The following DSTYK variants were observed in gnomAD, a reference collection of about 807,000 sequenced individuals.
DSTYK encodes RIP-homologous kinase.
DSTYK carries 34 observed loss-of-function variants against 98.7 expected under a neutral mutation model. The observed-to-expected ratio is 0.34, with a 90% CI of 0.26 to 0.46. DSTYK has a LOEUF of 0.46. DSTYK is among the 20% of genes least tolerant of loss of function. DSTYK has a pLI of 1.00. For synonymous variants in DSTYK, 462 were observed against 457.3 expected, an observed-to-expected ratio of 1.01 and a Z score of -0.13; for missense variants, 962 against 1,181.7, an observed-to-expected ratio of 0.81 and a Z score of 2.73.
Position 205,157,353 on chromosome 1 carries a change from C to A in DSTYK, c.2272G>T (p.Ala758Ser), listed in dbSNP as rs1657592376. Residue 758 changes from alanine (A) to serine (S), a missense_variant, in exon 10 of 13, where the codon GCA becomes TCA. By Grantham distance (99) the Ala-to-Ser change is moderately conservative. This residue lies in a region of DSTYK where 660 missense variants were observed against 855.0 expected (regional missense o/e 0.77). Transcript: ENST00000367162. ...CGGATTCCCTCCACCACATCTAGTG[C>A]TATCTGCAAACGTGTCTCCAGGGTC... ...GLTLETRLQI[A>S]LDVVEGIRFL... 6.2e-7 allele frequency: 1 copy of A among 1,614,036 alleles called. No individual in the cohort carries two copies. Among genetic ancestry groups the A allele is most frequent in the African/African-American group, 1.3e-5 (1 of 74,916 alleles).
intron 2 of DSTYK, among the ~76,000 whole-genome samples, chr1:205,171,181 G>A (rs1317360343): frequency 6.6e-6 from 1 of 152,134 alleles, no homozygotes; most frequent in Non-Finnish European, 1.5e-5. Context: ...GCTCGGCGCA[G>A]TGGCTCACAC....
rs915027318 is a variant in DSTYK at position 205,181,161 on chromosome 1, G to A, written c.654+6257C>T. 1.1e-4 allele frequency among the ~76,000 whole-genome samples: 17 copies of A among 151,998 alleles called. 1 individual carries two copies. Among genetic ancestry groups the A allele is most frequent in the Admixed American group, 2.6e-4 (4 of 15,248 alleles). On this transcript the variant is annotated intron_variant, in intron 2 of 12. Coordinates refer to ENST00000367162, the MANE Select transcript of DSTYK (RefSeq NM_015375.3). ...TGTCCTGTACATATAAATGATCCTT[G>A]TTTCTTTTCCCTTGGAGTTGACCAT...
chr1:205,176,269 G>T (rs1475220453), intron 2 of DSTYK, among the ~76,000 whole-genome samples: 2 of 151,964 alleles, frequency 1.3e-5, no homozygotes, highest in Non-Finnish European at 2.9e-5. Context: ...CCTGAGGTTG[G>T]GAGTTCAAGA....
intron 2 of DSTYK, among the ~76,000 whole-genome samples, chr1:205,182,869 G>A (rs1322814275): frequency 6.6e-6 from 1 of 151,758 alleles, no homozygotes; most frequent in Non-Finnish European, 1.5e-5. Flanking sequence ...CCAAAAACCA[G>A]GTCAGTATGT....
rs1051022010 is a variant in DSTYK at position 205,211,392 on chromosome 1, G to C, written c.144C>G (p.Thr48=). Residue 48 remains threonine, a synonymous_variant, in exon 1 of 13, where the codon ACC becomes ACG. Coordinates refer to ENST00000367162, the MANE Select transcript of DSTYK (RefSeq NM_015375.3). ...LGRLRQNLRE[T]QKFFRDIKCS... is the part of the protein sequence containing the mutation. Reference sequence around the variant, plus strand: ...ACTTGATGTCGCGGAAGAACTTCTGGGTCTCGCGCAGGTTCTGTCGCAGCC... The same window carrying C: ...ACTTGATGTCGCGGAAGAACTTCTGCGTCTCGCGCAGGTTCTGTCGCAGCC... The C allele has an allele frequency of 8.7e-6, 14 of 1,612,022 alleles. No individual in the cohort carries two copies. The highest frequency in any genetic ancestry group is 1.1e-5 in the Non-Finnish European group (13 of 1,179,484).
At chr1:205,166,592 G>A (rs539391531) in intron 3 of DSTYK, among the ~76,000 whole-genome samples, 1 of 152,188 alleles carries the variant, frequency 6.6e-6, no homozygotes, top group African/African-American at 2.4e-5. Flanking sequence ...ATACTTTACT[G>A]TCTGCCCAAC....
At chr1:205,149,362 A>G (rs1471831851) in intron 11 of DSTYK, among the ~76,000 whole-genome samples, 1 of 152,148 alleles carries the variant, frequency 6.6e-6, no homozygotes, top group East Asian at 1.9e-4. Flanking sequence ...AATGAAAGAA[A>G]TTTAAATATA....
chr1:205,196,517 G>A (rs1330653315), intron 1 of DSTYK, among the ~76,000 whole-genome samples: 1 of 152,096 alleles, frequency 6.6e-6, no homozygotes, highest in Non-Finnish European at 1.5e-5. Context: ...TCACACTACT[G>A]CGCTCCATCC....
chr1:205,169,152 C>G lies in DSTYK; in HGVS notation c.1324+11G>C. 6.3e-7 allele frequency: 1 copy of G among 1,578,206 alleles called. No individual in the cohort carries two copies. Among genetic ancestry groups the G allele is most frequent in the Non-Finnish European group, 8.6e-7 (1 of 1,162,204 alleles). ...CCGTGCCAGCACCCCAACAAGCTCT[C>G]TGGGACCTACCTTTAAACTCCATGT... On this transcript the variant is annotated intron_variant, in intron 3 of 12. Coordinates refer to ENST00000367162, the MANE Select transcript of DSTYK (RefSeq NM_015375.3). This position sits in a 1 kb window ranked among gnomAD's most constrained non-coding sequence, Gnocchi z 4.0.
chr1:205,164,861 A>T (rs1657841915), intron 3 of DSTYK, among the ~76,000 whole-genome samples: 1 of 152,204 alleles, frequency 6.6e-6, no homozygotes, highest in Admixed American at 6.5e-5. Flanking sequence ...TACACATGTA[A>T]TCTAATTTCA....
Position 205,145,581 on chromosome 1 carries a change from T to C in DSTYK, c.*1977A>G, listed in dbSNP as rs902553359. The C allele has an allele frequency of 1.4e-5, 2 of 144,022 alleles. No individual in the cohort carries two copies. The highest frequency in any genetic ancestry group is 2.5e-5 in the African/African-American group (1 of 39,856). 8.9% of individuals were successfully genotyped at this position (144,022 alleles called of 1,614,324 possible). On this transcript the variant is annotated 3_prime_UTR_variant, in exon 13 of 13. Transcript: ENST00000367162. ...TCTCGCTCTGTTGCCCAGGCTGGAGTGCAGTGGCGTGATCTCGGCTCACCA... is the reference window on the plus strand; with the variant it reads ...TCTCGCTCTGTTGCCCAGGCTGGAGCGCAGTGGCGTGATCTCGGCTCACCA...
At chr1:205,157,722 A>G (rs1233219858) in intron 9 of DSTYK, among the ~76,000 whole-genome samples, 2 of 150,664 alleles carry the variant, frequency 1.3e-5, no homozygotes, top group African/African-American at 4.9e-5. Flanking sequence ...AGATGGTGCC[A>G]CTGCACTTCA....
intron 12 of DSTYK, among the ~76,000 whole-genome samples, 191 bp from the exon 13 acceptor site, chr1:205,147,936 AAAAAG>A (rs1393646715): frequency 1.3e-5 from 2 of 152,172 alleles, no homozygotes; most frequent in African/African-American, 4.8e-5. Context: ...AGAAAGAAAG[AAAAAG>A]AAAAGAAAAA....
chr1:205,167,819 TAAG>T (rs1290471739), intron 3 of DSTYK, among the ~76,000 whole-genome samples: 3 of 152,146 alleles, frequency 2.0e-5, no homozygotes, highest in Non-Finnish European at 2.9e-5. Context: ...ATCGAATACG[TAAG>T]AAGATTAATC....
Position 205,172,484 on chromosome 1 carries a change from G to GA in DSTYK, c.655-2653_655-2652insT, listed in dbSNP as rs1246261791. On this transcript the variant is annotated intron_variant, in intron 2 of 12. Transcript: ENST00000367162. ...CCAGCTAATTTTCATTCTTTTTTGG[G>GA]TTTTTTTTTTTTGGTAGAGATGGGG... Among the ~76,000 whole-genome samples the GA allele has an allele frequency of 2.9e-5, 4 of 137,024 alleles. No individual in the cohort carries two copies. The East Asian group carries it at 6.3e-4, about 22-fold the overall frequency. The allele number at this position is 137,024 out of a possible 152,430, so 89.9% of individuals were successfully genotyped here. A position where few individuals can be genotyped will look rare whatever the true frequency, so the allele number is the denominator to read the frequency against.
rs1485492151 is a variant in DSTYK, at chr1:205,144,603, T to TGC, written c.*2953_*2954dup. 1 of 152,656 alleles carries TGC rather than the reference T, an allele frequency of 6.6e-6. No homozygotes were observed. The highest frequency in any genetic ancestry group is 1.5e-5 in the Non-Finnish European group (1 of 68,032). The allele number at this position is 152,656 out of a possible 1,614,324, so 9.5% of individuals were successfully genotyped here. ...TACACACTCTATACACACGTATACC[T>TGC]GCACTCAGCCTGCTGAGTATTTAAA... On this transcript the variant is annotated 3_prime_UTR_variant, in exon 13 of 13. Coordinates refer to ENST00000367162, the MANE Select transcript of DSTYK (RefSeq NM_015375.3).
chr1:205,152,660 A>AC (rs1553360012), intron 10 of DSTYK, among the ~76,000 whole-genome samples: 17 of 138,130 alleles, frequency 1.2e-4, no homozygotes, highest in Non-Finnish European at 2.5e-4. Context: ...TTTGAATTTC[A>AC]TTTTTTTTTT....
intron 1 of DSTYK, among the ~76,000 whole-genome samples, chr1:205,193,833 T>C (rs1658782244): frequency 1.4e-5 from 2 of 147,386 alleles, no homozygotes; most frequent in African/African-American, 5.1e-5. Flanking sequence ...ATAGTGCCAC[T>C]GCACTCCAGC....
Position 205,146,420 on chromosome 1 carries a change from A to G in DSTYK, c.*1138T>C, listed in dbSNP as rs1657234342. The G allele has an allele frequency of 6.6e-6, 1 of 152,184 alleles. No individual in the cohort carries two copies. The allele number at this position is 152,184 out of a possible 1,614,324, so 9.4% of individuals were successfully genotyped here. ...CACTTTGAGATGAAAAGAGGTAAAC[A>G]AAAGAAAAGACTCAAAGGTAAAAGA... On this transcript the variant is annotated 3_prime_UTR_variant, in exon 13 of 13. Transcript: ENST00000367162.
Sources: gnomAD v4.1 joint callset for allele counts (sites outside exome capture counted in the v4.1 genomes callset) on GRCh38, gnomAD v4.1.1 for gene constraint, gnomAD v4.1.1 regional missense constraint, Gnocchi (gnomAD v3.1) non-coding constraint, MANE v1.5 for transcripts, NCBI Gene and HGNC (gene_info 2026-07-23, HGNC 2026-07-21) for gene names.